Variants in C12orf42 observed in about 807,000 individuals in gnomAD.
The protein encoded by C12orf42 is chromosome 12 open reading frame 42, also known as uncharacterized protein C12orf42.
Under a neutral mutation model 21.6 loss-of-function variants are expected in C12orf42, and 25 were observed. The observed-to-expected ratio is 1.16, with a 90% confidence interval of 0.84 to 1.62. The LOEUF (loss-of-function observed/expected upper bound fraction) is 1.62, where lower values mean the gene tolerates loss of function less well. Among genes scored for constraint, C12orf42 ranks in the 40% most tolerant of loss-of-function variants. C12orf42 has a pLI of 0.00. For missense variants in C12orf42, 483 were observed against 459.3 expected, an observed-to-expected ratio of 1.05 and a Z score of -0.47; for synonymous variants, 174 against 175.0, an observed-to-expected ratio of 0.99 and a Z score of 0.05.
intron 2 of C12orf42, among the ~76,000 whole-genome samples, chr12:103,447,113 AC>A (rs1374786351): frequency 6.6e-6 from 1 of 151,996 alleles, no homozygotes; most frequent in African/African-American, 2.4e-5. Flanking sequence ...GTGATAGGGC[AC>A]AAAAAAGTCT....
chr12:103,427,921 G>T (rs371445937), intron 2 of C12orf42, among the ~76,000 whole-genome samples: 171 of 152,190 alleles, frequency 1.1e-3, no homozygotes, highest in African/African-American at 3.7e-3. Flanking sequence ...GTTCTTTGAA[G>T]TCAGTGAGAA....
At chr12:103,542,435 A>G in the C12orf42 span, among the ~76,000 whole-genome samples, 1 of 152,246 alleles carries the variant, frequency 6.6e-6, no homozygotes. Flanking sequence ...GACTTTACCC[A>G]TAAGAAGGCC....
intron 5 of C12orf42, among the ~76,000 whole-genome samples, chr12:103,272,228 C>T (rs1436486654): frequency 6.6e-6 from 1 of 152,084 alleles, no homozygotes; most frequent in Non-Finnish European, 1.5e-5. Flanking sequence ...TTGACCATGG[C>T]TGTCTTATTT....
the C12orf42 span, among the ~76,000 whole-genome samples, chr12:103,224,427 C>T: frequency 0.018 from 2,684 of 151,770 alleles, 62 homozygotes; most frequent in African/African-American, 0.061. Flanking sequence ...CTGGTGGAAC[C>T]GCCATCAATA....
At chr12:103,511,958 C>G in the C12orf42 span, among the ~76,000 whole-genome samples, 2 of 152,180 alleles carry the variant, frequency 1.3e-5, no homozygotes, top group East Asian at 3.8e-4. Flanking sequence ...TTGACTAAAA[C>G]AGAAGCCCTG....
the C12orf42 span, among the ~76,000 whole-genome samples, chr12:103,161,046 A>C: frequency 6.6e-6 from 1 of 152,244 alleles, no homozygotes; most frequent in South Asian, 2.1e-4. Flanking sequence ...TTGATTGCTC[A>C]GTAAATTATT....
the C12orf42 span, among the ~76,000 whole-genome samples, chr12:103,534,103 C>A: frequency 1.3e-5 from 2 of 152,188 alleles, no homozygotes; most frequent in Non-Finnish European, 2.9e-5. Flanking sequence ...AGATTAAGGA[C>A]CTATATCTCT....
At chr12:103,485,957 C>A (rs1954804689) in intron 1 of C12orf42, among the ~76,000 whole-genome samples, 1 of 152,098 alleles carries the variant, frequency 6.6e-6, no homozygotes, top group South Asian at 2.1e-4. Context: ...AATTGCATAC[C>A]CTTTATTTCT....
the C12orf42 span, among the ~76,000 whole-genome samples, chr12:103,088,268 A>G: frequency 6.6e-6 from 1 of 152,248 alleles, no homozygotes; most frequent in Non-Finnish European, 1.5e-5. Flanking sequence ...TTGTTTCCCA[A>G]CATCTACCAC....
At chr12:103,274,776 A>G (rs2035667510) in intron 5 of C12orf42, among the ~76,000 whole-genome samples, 1 of 152,238 alleles carries the variant, frequency 6.6e-6, no homozygotes, top group African/African-American at 2.4e-5. Flanking sequence ...ACAAAAAAAC[A>G]GAACACAACT....
the C12orf42 span, among the ~76,000 whole-genome samples, chr12:103,217,430 G>A: frequency 5.9e-5 from 9 of 151,756 alleles, no homozygotes; most frequent in Non-Finnish European, 7.4e-5. Context: ...TTGGGAGGCT[G>A]AGGCAGGAGG....
chr12:103,293,065 G>A (rs1455844229), intron 4 of C12orf42, among the ~76,000 whole-genome samples: 3 of 151,896 alleles, frequency 2.0e-5, no homozygotes, highest in African/African-American at 7.3e-5. Context: ...TTTTCCAAAA[G>A]CCACACATAC....
intron 2 of C12orf42, among the ~76,000 whole-genome samples, chr12:103,405,354 T>C (rs1222061780): frequency 2.6e-5 from 4 of 152,204 alleles, no homozygotes; most frequent in Non-Finnish European, 4.4e-5. Context: ...AACCCTATAA[T>C]ATACTAGCCA....
the C12orf42 span, among the ~76,000 whole-genome samples, chr12:103,052,192 TG>T: frequency 6.6e-6 from 1 of 152,216 alleles, no homozygotes; most frequent in African/African-American, 2.4e-5. Flanking sequence ...TATACATTTT[TG>T]TTGGCTGTGT....
chr12:103,315,772 A>G (rs1383513146), intron 4 of C12orf42, among the ~76,000 whole-genome samples: 1 of 152,162 alleles, frequency 6.6e-6, no homozygotes, highest in African/African-American at 2.4e-5. Flanking sequence ...GACGATAACA[A>G]TTACAGTGAG....
At chr12:103,071,109 G>T in the C12orf42 span, among the ~76,000 whole-genome samples, 23 of 152,146 alleles carry the variant, frequency 1.5e-4, no homozygotes, top group East Asian at 4.4e-3. Context: ...GTTACCCAAG[G>T]TAAGAACTGG....
the C12orf42 span, among the ~76,000 whole-genome samples, chr12:103,063,717 T>C: frequency 6.6e-6 from 1 of 152,132 alleles, no homozygotes; most frequent in Non-Finnish European, 1.5e-5. Flanking sequence ...TAGACTAAAG[T>C]CCCAGCAGGC....
intron 4 of C12orf42, among the ~76,000 whole-genome samples, chr12:103,357,784 C>T (rs775793512): frequency 4.5e-4 from 69 of 152,036 alleles, no homozygotes; most frequent in Non-Finnish European, 8.2e-4. Flanking sequence ...CAAGTAACAA[C>T]GTTATTCATA....
At chr12:103,556,529 C>T in the C12orf42 span, among the ~76,000 whole-genome samples, 1 of 152,268 alleles carries the variant, frequency 6.6e-6, no homozygotes, top group Non-Finnish European at 1.5e-5. Context: ...TTGGAGCAAT[C>T]ATTCTGAGGA....
Sources: allele counts gnomAD v4.1 joint callset (sites outside exome capture counted in the v4.1 genomes callset), GRCh38; gene constraint gnomAD v4.1.1; transcripts MANE v1.5; gene names NCBI Gene and HGNC (gene_info 2026-07-23, HGNC 2026-07-21).